The following CDH13 variants were observed in gnomAD, a reference collection of about 807,000 sequenced individuals.
CDH13 encodes the protein cadherin-13.
In CDH13, 24 loss-of-function variants were observed where a neutral mutation model predicts 63.8. That is an observed-to-expected ratio of 0.38 (90% CI 0.27 to 0.53). CDH13 has a LOEUF of 0.53. Ranked by LOEUF, CDH13 falls within the 20% of genes least tolerant of loss-of-function variation. CDH13 has a pLI of 0.85. For synonymous variants in CDH13, 503 were observed against 355.3 expected (o/e 1.42, Z -4.67); for missense variants, 1,049 against 903.1 (o/e 1.16, Z -2.07).
intron 5 of CDH13, among the ~76,000 whole-genome samples, chr16:83,259,163 A>G (rs1193610571): frequency 1.3e-5 from 2 of 152,128 alleles, no homozygotes; most frequent in African/African-American, 4.8e-5. Context: ...ACAGTCACTA[A>G]GAAGATGAGT....
intron 1 of CDH13, among the ~76,000 whole-genome samples, chr16:82,852,965 A>C (rs1209513906): frequency 1.3e-5 from 2 of 151,864 alleles, no homozygotes; most frequent in Non-Finnish European, 2.9e-5. Flanking sequence ...AGTACCTGTC[A>C]GGATAAAAAA....
intron 1 of CDH13, among the ~76,000 whole-genome samples, chr16:82,649,726 A>G (rs1910504953): frequency 6.6e-6 from 1 of 152,158 alleles, no homozygotes; most frequent in Non-Finnish European, 1.5e-5. Context: ...GTAAGAAGAC[A>G]TGGAAAAATG....
At chr16:83,257,402 C>T (rs1434302972) in intron 5 of CDH13, among the ~76,000 whole-genome samples, 1 of 152,086 alleles carries the variant, frequency 6.6e-6, no homozygotes, top group Non-Finnish European at 1.5e-5. Flanking sequence ...GGCCAAAGTT[C>T]ATGGATGAGG....
chr16:82,657,815 G>A (rs916514783), intron 1 of CDH13, among the ~76,000 whole-genome samples: 1 of 152,170 alleles, frequency 6.6e-6, no homozygotes, highest in Non-Finnish European at 1.5e-5. Flanking sequence ...TATTCTTGGA[G>A]TTTGTCAATT....
intron 3 of CDH13, among the ~76,000 whole-genome samples, chr16:83,068,024 C>G (rs1267480203): frequency 6.6e-6 from 1 of 152,174 alleles, no homozygotes; most frequent in Admixed American, 6.5e-5. Flanking sequence ...AGTCAATCCT[C>G]CCAGCTCCTC....
chr16:83,399,440 C>A (rs76839603), intron 6 of CDH13, among the ~76,000 whole-genome samples: 1 of 152,202 alleles, frequency 6.6e-6, no homozygotes. Flanking sequence ...CTTACTGCAG[C>A]CCTTTCAGCT....
chr16:83,408,338 G>T (rs1413159607), intron 6 of CDH13, among the ~76,000 whole-genome samples: 1 of 152,148 alleles, frequency 6.6e-6, no homozygotes, highest in Non-Finnish European at 1.5e-5. Flanking sequence ...TTCTGAGAAG[G>T]TATCATTAGA....
intron 1 of CDH13, among the ~76,000 whole-genome samples, chr16:82,844,970 A>G (rs944826056): frequency 6.6e-6 from 1 of 152,026 alleles, no homozygotes; most frequent in Admixed American, 6.6e-5. Context: ...AGTATTTTTA[A>G]GCCTCTCAGA....
At position 83,788,614 on chromosome 16, in the gene CDH13, A is replaced by G. The variant is rs77691510; in HGVS notation, c.2134+5142A>G. On this transcript the variant is annotated intron_variant, in intron 13 of 13. Transcript: ENST00000567109. The stretch of plus-strand genomic sequence containing the variant: ...AGGATTTCCCACTTCTCATCTCTCA[A>G]CTGAGCTCTTGGGTCAAGTTAATCT... Among the ~76,000 whole-genome samples, 1,266 of 152,208 alleles carry G rather than the reference A, an allele frequency of 8.3e-3. 16 individuals carry two copies. Among genetic ancestry groups the G allele is most frequent in the African/African-American group, 0.029 (1,200 of 41,514 alleles).
chr16:83,476,397 G>A (rs2073605980), intron 6 of CDH13, among the ~76,000 whole-genome samples: 1 of 152,208 alleles, frequency 6.6e-6, no homozygotes, highest in Non-Finnish European at 1.5e-5. Context: ...AATTGGCTGG[G>A]CGCAGTGGCT....
At chr16:82,943,013 T>C (rs1904315276) in intron 2 of CDH13, among the ~76,000 whole-genome samples, 1 of 152,216 alleles carries the variant, frequency 6.6e-6, no homozygotes, top group African/African-American at 2.4e-5. Flanking sequence ...AATGAGCTAA[T>C]TGATTCCCAT....
At chr16:83,309,746 A>G (rs567335257) in intron 5 of CDH13, among the ~76,000 whole-genome samples, 1 of 152,130 alleles carries the variant, frequency 6.6e-6, no homozygotes, top group Non-Finnish European at 1.5e-5. Flanking sequence ...GGAAGCACTC[A>G]TGAGGACATG....
chr16:83,543,754 T>C (rs1178149606), intron 7 of CDH13, among the ~76,000 whole-genome samples: 1 of 152,184 alleles, frequency 6.6e-6, no homozygotes, highest in Non-Finnish European at 1.5e-5. Context: ...TAATGGACAG[T>C]GGCCAGGGGT....
At chr16:83,012,937 C>T (rs1914308429) in intron 2 of CDH13, among the ~76,000 whole-genome samples, 1 of 152,074 alleles carries the variant, frequency 6.6e-6, no homozygotes, top group Admixed American at 6.6e-5. Flanking sequence ...AGATAACATT[C>T]AGGTGTTTGT....
chr16:83,232,482 G>C (rs532251037), intron 5 of CDH13, among the ~76,000 whole-genome samples: 214 of 150,320 alleles, frequency 1.4e-3, no homozygotes, highest in Non-Finnish European at 2.3e-3. Flanking sequence ...CCAAGATTGC[G>C]CCAGCTGCAC....
intron 11 of CDH13, among the ~76,000 whole-genome samples, chr16:83,751,552 A>G (rs1331435759): frequency 6.6e-6 from 1 of 152,218 alleles, no homozygotes; most frequent in Non-Finnish European, 1.5e-5. Flanking sequence ...CCGCAGAAAT[A>G]CAGGTAAGAG....
Position 82,663,358 on chromosome 16 carries a change from G to T in CDH13, c.45+36221G>T, listed in dbSNP as rs1214134256. 2.0e-5 allele frequency among the ~76,000 whole-genome samples: 3 copies of T among 152,128 alleles called. No individual in the cohort carries two copies. In the East Asian group the frequency reaches 5.8e-4, roughly 29 times the overall value. On this transcript the variant is annotated intron_variant, in intron 1 of 13. Coordinates refer to ENST00000567109, the MANE Select transcript of CDH13 (RefSeq NM_001257.5). ...TGCAGCACCAGGCCCGGCTAATTTTGTATTTTTAGTATAGATGGGTTTCTC... is the reference window on the plus strand; with the variant it reads ...TGCAGCACCAGGCCCGGCTAATTTTTTATTTTTAGTATAGATGGGTTTCTC...
intron 5 of CDH13, among the ~76,000 whole-genome samples, chr16:83,219,363 C>G (rs1219082867): frequency 6.6e-6 from 1 of 152,174 alleles, no homozygotes; most frequent in African/African-American, 2.4e-5. Flanking sequence ...AGCATGGATT[C>G]TGCACACAGC....
At chr16:83,529,064 A>T (rs1567739771) in intron 7 of CDH13, among the ~76,000 whole-genome samples, 1 of 150,378 alleles carries the variant, frequency 6.6e-6, no homozygotes, top group Non-Finnish European at 1.5e-5. Context: ...CATTCCACCC[A>T]AACCCCCTCC....
Sources: allele counts gnomAD v4.1 joint callset (sites outside exome capture counted in the v4.1 genomes callset), GRCh38; gene constraint gnomAD v4.1.1; transcripts MANE v1.5; gene names NCBI Gene and HGNC (gene_info 2026-07-23, HGNC 2026-07-21).